The following RIMS1 variants were observed in gnomAD, a reference collection of about 807,000 sequenced individuals.
RIMS1 encodes regulating synaptic membrane exocytosis 1, also known as regulating synaptic membrane exocytosis protein 1.
RIMS1 carries 83 observed loss-of-function variants against 214.1 expected under a neutral mutation model. The ratio of observed to expected loss-of-function variants is 0.39; its 90% CI spans 0.32 to 0.47. The LOEUF (loss-of-function observed/expected upper bound fraction) is 0.47, where lower values mean the gene tolerates loss of function less well. RIMS1 is among the 20% of genes least tolerant of loss of function. The probability of loss-of-function intolerance (pLI) is 0.99; values close to 1 mark genes in which losing one functional copy is unlikely to be tolerated. For synonymous variants in RIMS1, 793 were observed against 786.8 expected (o/e 1.01, Z -0.13); for missense variants, 2,050 against 2,161.8 (o/e 0.95, Z 1.03).
chr6:71,931,415 G>A (rs766585858), intron 1 of RIMS1, among the ~76,000 whole-genome samples: 74 of 152,110 alleles, frequency 4.9e-4, no homozygotes, highest in Non-Finnish European at 9.0e-4. Context: ...TGAATTATCT[G>A]TCATCTAATA....
intron 29 of RIMS1, among the ~76,000 whole-genome samples, chr6:72,375,510 G>C (rs138072388): frequency 1.2e-3 from 181 of 152,140 alleles, no homozygotes; most frequent in Non-Finnish European, 1.0e-3. Flanking sequence ...ACTTGTACCA[G>C]CCACATGTAG....
In RIMS1 at chr6:72,400,779, T is replaced by A. The variant is rs573872462; in HGVS notation, c.*65T>A. On this transcript the variant is annotated 3_prime_UTR_variant, in exon 34 of 34. Transcript: ENST00000521978. ...TCAGGATAATAATCTGAACCAGATA[T>A]TTCATGATCGAAAGCATTGTTGGAG... 2.3e-6 allele frequency: 3 copies of A among 1,296,424 alleles called. No homozygotes were observed. The highest frequency in any genetic ancestry group is 3.3e-6 in the Non-Finnish European group (3 of 921,176). 80.3% of individuals were successfully genotyped at this position (1,296,424 alleles called of 1,614,324 possible). A position where few individuals can be genotyped will look rare whatever the true frequency, so the allele number is the denominator to read the frequency against.
rs780167257 is a variant in RIMS1 at position 72,233,750 on chromosome 6, T to G, written c.1679-23T>G. On this transcript the variant is annotated intron_variant, in intron 6 of 33. Coordinates refer to ENST00000521978, the MANE Select transcript of RIMS1 (RefSeq NM_014989.7). ...TCTTCTCTTTAATACCATTACACTT[T>G]TCATTCTTTTTGTATTGCACAGGTG... is the stretch of plus-strand genomic sequence containing the variant. The G allele has an allele frequency of 2.6e-6, 4 of 1,529,848 alleles. No individual in the cohort carries two copies. The South Asian group carries it at 4.8e-5, about 18-fold the overall frequency. 94.8% of individuals were successfully genotyped at this position (1,529,848 alleles called of 1,614,324 possible).
chr6:72,199,639 A>C (rs558751187), intron 6 of RIMS1, among the ~76,000 whole-genome samples: 9 of 152,234 alleles, frequency 5.9e-5, no homozygotes, highest in African/African-American at 1.7e-4. Flanking sequence ...CTTATGTAAA[A>C]TATTGAAGAG....
intron 2 of RIMS1, among the ~76,000 whole-genome samples, chr6:71,986,923 T>G (rs1800151573): frequency 6.6e-6 from 1 of 152,208 alleles, no homozygotes; most frequent in African/African-American, 2.4e-5. Context: ...GTCTAAAAAT[T>G]TTGGGGCTCC....
intron 2 of RIMS1, among the ~76,000 whole-genome samples, chr6:71,985,547 C>T (rs983154894): frequency 6.6e-6 from 1 of 152,126 alleles, no homozygotes; most frequent in African/African-American, 2.4e-5. Flanking sequence ...CTGCACTAAA[C>T]ATCTTTTACC....
intron 1 of RIMS1, among the ~76,000 whole-genome samples, chr6:71,917,550 G>T (rs1778782906): frequency 6.6e-6 from 1 of 152,140 alleles, no homozygotes; most frequent in African/African-American, 2.4e-5. Flanking sequence ...GACTAAAGAA[G>T]AGGGAAGAAG....
chr6:72,249,728 G>C lies in RIMS1; in HGVS notation c.2242-602G>C, dbSNP rs2072194994. 3.3e-5 allele frequency among the ~76,000 whole-genome samples: 5 copies of C among 152,200 alleles called. No homozygotes were observed. The South Asian group carries it at 1.0e-3, about 32-fold the overall frequency. On this transcript the variant is annotated intron_variant, in intron 12 of 33. Transcript: ENST00000521978. ...TGAGGCTGCAGTGAGCTATGATCAT[G>C]CCACTGCATTCCAGCCTGTGACAGA... is the stretch of plus-strand genomic sequence containing the variant.
chr6:72,006,631 C>A (rs1329282286), intron 2 of RIMS1, among the ~76,000 whole-genome samples: 1 of 152,210 alleles, frequency 6.6e-6, no homozygotes, highest in East Asian at 1.9e-4. Context: ...CACCCTAACA[C>A]TGCGCTTTTC....
intron 4 of RIMS1, among the ~76,000 whole-genome samples, chr6:72,108,950 G>C (rs186263382): frequency 1.4e-5 from 2 of 147,986 alleles, no homozygotes; most frequent in Admixed American, 1.4e-4. Context: ...AAAATGCAGT[G>C]TCTGGTTTTT....
At chr6:72,308,044 C>G (rs553988313) in intron 27 of RIMS1, among the ~76,000 whole-genome samples, 179 of 152,056 alleles carry the variant, frequency 1.2e-3, no homozygotes, top group African/African-American at 4.0e-3. Flanking sequence ...TATTTATAGT[C>G]TTAAGTACAA....
intron 4 of RIMS1, among the ~76,000 whole-genome samples, chr6:72,107,958 T>C (rs2035104319): frequency 6.6e-6 from 1 of 152,202 alleles, no homozygotes; most frequent in South Asian, 2.1e-4. Context: ...GCCTTAGCAT[T>C]TGCTGGTATC....
At chr6:72,228,692 C>T (rs2061028091) in intron 6 of RIMS1, among the ~76,000 whole-genome samples, 1 of 151,788 alleles carries the variant, frequency 6.6e-6, no homozygotes, top group African/African-American at 2.4e-5. Flanking sequence ...ATTGCTAGAC[C>T]ATATGGTAGT....
chr6:72,164,041 A>T (rs1348982254), intron 4 of RIMS1, among the ~76,000 whole-genome samples: 1 of 152,178 alleles, frequency 6.6e-6, no homozygotes, highest in Non-Finnish European at 1.5e-5. Context: ...GGCTCCACCC[A>T]GTTCGAGCTT....
chr6:71,967,054 G>A (rs9446518), intron 1 of RIMS1, among the ~76,000 whole-genome samples: 13,469 of 152,188 alleles, frequency 0.089, 718 homozygotes, highest in East Asian at 0.27. Context: ...TTTCCAAGTT[G>A]GTGATATTCC....
chr6:72,185,688 A>G (rs2048998359), intron 6 of RIMS1, among the ~76,000 whole-genome samples: 1 of 152,242 alleles, frequency 6.6e-6, no homozygotes. Context: ...ATGACACTAA[A>G]GCAAATGGTG....
rs563140872 is a variant in RIMS1, at chr6:72,129,254, A to G, written c.471+29268A>G. ...AATATTATCTGTGAAGCATCATAAT[A>G]TTCCATAATTACCTCAGCAGCATGT... On this transcript the variant is annotated intron_variant, in intron 4 of 33. Transcript: ENST00000521978. Among the ~76,000 whole-genome samples, 4 of 152,318 alleles carry G rather than the reference A, an allele frequency of 2.6e-5. No homozygotes were observed. In the South Asian group the frequency reaches 6.2e-4, roughly 24 times the overall value.
intron 6 of RIMS1, among the ~76,000 whole-genome samples, chr6:72,221,809 GT>G (rs1348483725): frequency 6.6e-6 from 1 of 151,664 alleles, no homozygotes; most frequent in Non-Finnish European, 1.5e-5. Flanking sequence ...CTATAATTTG[GT>G]ATTTCTCATG....
intron 29 of RIMS1, among the ~76,000 whole-genome samples, chr6:72,368,507 G>C (rs2098118126): frequency 1.3e-5 from 2 of 151,492 alleles, no homozygotes; most frequent in South Asian, 4.2e-4. Context: ...TGTTAGCCAG[G>C]ATGGTCTCGA....
Sources: gnomAD v4.1 joint callset for allele counts (sites outside exome capture counted in the v4.1 genomes callset) on GRCh38, gnomAD v4.1.1 for gene constraint, MANE v1.5 for transcripts, NCBI Gene and HGNC (gene_info 2026-07-23, HGNC 2026-07-21) for gene names.